The following LAT2 variants were observed in gnomAD, a reference collection of about 807,000 sequenced individuals.
LAT2 encodes the protein linker for activation of T-cells family member 2.
A neutral mutation model predicts 43.4 loss-of-function variants in LAT2; 23 were observed. That is an observed-to-expected ratio of 0.53 (90% confidence interval 0.38 to 0.75). The LOEUF (loss-of-function observed/expected upper bound fraction) is 0.75, where lower values mean the gene tolerates loss of function less well. Among genes scored for constraint, LAT2 ranks in the 30% least tolerant of loss-of-function variants. The pLI, the probability that LAT2 is intolerant of heterozygous loss-of-function variation, is 0.00. For missense variants in LAT2, 284 were observed against 310.2 expected, an observed-to-expected ratio of 0.92 and a Z score of 0.64; for synonymous variants, 128 against 123.2, an observed-to-expected ratio of 1.04 and a Z score of -0.26.
At position 74,224,633 on chromosome 7, in the gene LAT2, C is replaced by G; in HGVS notation, c.629-6C>G. 1 of 1,591,254 alleles carries G rather than the reference C, an allele frequency of 6.3e-7. No individual in the cohort carries two copies. Among genetic ancestry groups the G allele is most frequent in the Non-Finnish European group, 8.6e-7 (1 of 1,168,738 alleles). On this transcript the variant is annotated splice_region_variant and splice_polypyrimidine_tract_variant and intron_variant, in intron 12 of 13. Coordinates refer to ENST00000460943, the MANE Select transcript of LAT2 (RefSeq NM_032464.3). ...CTCGATGACCTGTCTGCCCGCTGGT[C>G]CACAGGGCAACTCCAGAGAGAAGCA...
At position 74,229,195 on chromosome 7, in the gene LAT2, C is replaced by T. The variant is rs1293097433; in HGVS notation, c.*270C>T. On this transcript the variant is annotated 3_prime_UTR_variant, in exon 14 of 14. Coordinates refer to ENST00000460943, the MANE Select transcript of LAT2 (RefSeq NM_032464.3). ...GCAGGCACCTGGTACCAAGGGTAAC[C>T]CGGCTCCTGGTATGGACGGATGCGC... 4 of 152,246 alleles carry T rather than the reference C, an allele frequency of 2.6e-5. No homozygotes were observed. 9.4% of individuals were successfully genotyped at this position (152,246 alleles called of 1,614,324 possible). A position where few individuals can be genotyped will look rare whatever the true frequency, so the allele number is the denominator to read the frequency against.
chr7:74,220,523 C>T lies in LAT2; in HGVS notation c.266-61C>T, dbSNP rs1802226120. 4 of 1,607,384 alleles carry T rather than the reference C, an allele frequency of 2.5e-6. No individual in the cohort carries two copies. The highest frequency in any genetic ancestry group is 2.2e-5 in the East Asian group (1 of 44,798). On this transcript the variant is annotated intron_variant, in intron 7 of 13. Coordinates refer to ENST00000460943, the MANE Select transcript of LAT2 (RefSeq NM_032464.3). The surrounding 1 kb of genome is among the most constrained non-coding windows in gnomAD (Gnocchi z 4.5). ...GCTGGCCCTGCCTTGGGCTGCAGCA[C>T]CCGAGCTGGGTGCAAAGCAGGGGCC...
rs1802225138 is a variant in LAT2 at position 74,220,497 on chromosome 7, A to G, written c.266-87A>G. On this transcript the variant is annotated intron_variant, in intron 7 of 13. Coordinates refer to ENST00000460943, the MANE Select transcript of LAT2 (RefSeq NM_032464.3). The surrounding 1 kb of genome is among the most constrained non-coding windows in gnomAD (Gnocchi z 4.5). ...CTGCAAAGGCTCAGACACGGGAAAT[A>G]GCTGGCCCTGCCTTGGGCTGCAGCA... The G allele has an allele frequency of 1.9e-6, 3 of 1,543,708 alleles. No homozygotes were observed. The highest frequency in any genetic ancestry group is 2.3e-5 in the East Asian group (1 of 44,232).
chr7:74,228,574 A>G (rs1204757626), intron 13 of LAT2, among the ~76,000 whole-genome samples: 1 of 150,496 alleles, frequency 6.6e-6, no homozygotes, highest in Non-Finnish European at 1.5e-5. Context: ...TCACGAGGTC[A>G]GGAGATCGAG....
At chr7:74,219,652 C>T in intron 4 of LAT2, 92 bp from the exon 5 acceptor site, 1 of 1,500,772 alleles carries the variant, frequency 6.7e-7, no homozygotes, top group Non-Finnish European at 9.3e-7. Flanking sequence ...TCTGCTTTCC[C>T]TCCTCATCCC....
chr7:74,220,470 C>A lies in LAT2; in HGVS notation c.266-114C>A. ...CATGCCCCACTGAGGGGACAGGGAG[C>A]ACTGCAAAGGCTCAGACACGGGAAA... On this transcript the variant is annotated intron_variant, in intron 7 of 13. Coordinates refer to ENST00000460943, the MANE Select transcript of LAT2 (RefSeq NM_032464.3). This position sits in a 1 kb window ranked among gnomAD's most constrained non-coding sequence, Gnocchi z 4.5. 2.2e-6 allele frequency: 3 copies of A among 1,390,880 alleles called. No homozygotes were observed. Among genetic ancestry groups the A allele is most frequent in the Non-Finnish European group, 3.0e-6 (3 of 990,084 alleles). 86.2% of individuals were successfully genotyped at this position (1,390,880 alleles called of 1,614,324 possible). A position where few individuals can be genotyped will look rare whatever the true frequency, so the allele number is the denominator to read the frequency against.
chr7:74,221,610 C>T, intron 9 of LAT2, 27 bp from the exon 10 acceptor site: 1 of 1,607,656 alleles, frequency 6.2e-7, no homozygotes, highest in Non-Finnish European at 8.5e-7. Context: ...GCCCTGAAAC[C>T]TGTGTTGTAT....
intron 13 of LAT2, among the ~76,000 whole-genome samples, chr7:74,226,745 G>A (rs976696933): frequency 3.3e-5 from 5 of 152,152 alleles, no homozygotes; most frequent in Non-Finnish European, 7.3e-5. Flanking sequence ...GGGAAGCGGG[G>A]CAGGAAGTAG....
intron 13 of LAT2, among the ~76,000 whole-genome samples, chr7:74,226,671 A>G (rs1323558554): frequency 1.3e-5 from 2 of 152,152 alleles, no homozygotes; most frequent in Non-Finnish European, 2.9e-5. Flanking sequence ...AACAACAACA[A>G]GAAAACAGAT....
chr7:74,221,665 TG>T lies in LAT2; in HGVS notation c.366del (p.Arg123GlyfsTer34). The T allele has an allele frequency of 1.2e-6, 2 of 1,613,256 alleles. No homozygotes were observed. Among genetic ancestry groups the T allele is most frequent in the Non-Finnish European group, 1.7e-6 (2 of 1,179,610 alleles). Reference sequence around the variant, plus strand: ...CCCCATTGCCATGGAGTATTACAACTGGGGGCGGTTCTCGAAGCCCCCAGAA... The same window carrying T: ...CCCCATTGCCATGGAGTATTACAACTGGGGCGGTTCTCGAAGCCCCCAGAA... Reference protein sequence around the residue: ...IDPIAMEYYNWGRFSKPPEDD... With the variant: ...IDPIAMEYYNXGRFSKPPEDD... On this transcript the variant is annotated frameshift_variant, in exon 10 of 14. Transcript: ENST00000460943. LOFTEE classifies it high-confidence loss of function.
At chr7:74,214,089 A>T (rs868929823) in intron 1 of LAT2, among the ~76,000 whole-genome samples, 2 of 121,638 alleles carry the variant, frequency 1.6e-5, no homozygotes, top group Non-Finnish European at 3.2e-5. Flanking sequence ...TATATATGAA[A>T]AAATATATAT....
At chr7:74,216,236 C>A (rs566472762) in intron 3 of LAT2, among the ~76,000 whole-genome samples, 167 bp downstream of exon 3, 4 of 152,010 alleles carry the variant, frequency 2.6e-5, no homozygotes, top group Admixed American at 6.6e-5. Context: ...CAGGTGCACC[C>A]GAGGGCTTTG....
intron 3 of LAT2, 60 bp from the exon 4 acceptor site, chr7:74,216,765 G>GT: frequency 6.8e-7 from 1 of 1,480,688 alleles, no homozygotes; most frequent in Non-Finnish European, 9.4e-7. Context: ...GGCGGGGGGT[G>GT]TCTGACCTCA....
At chr7:74,216,762 G>C in intron 3 of LAT2, 63 bp from the exon 4 acceptor site, 1 of 1,413,568 alleles carries the variant, frequency 7.1e-7, no homozygotes, top group South Asian at 1.2e-5. Context: ...CATGGCGGGG[G>C]GTGTCTGACC....
intron 4 of LAT2, among the ~76,000 whole-genome samples, chr7:74,218,935 T>C (rs1166664755): frequency 6.8e-6 from 1 of 146,986 alleles, no homozygotes; most frequent in Admixed American, 7.0e-5. Context: ...CAACCTCAGG[T>C]GATTCGCCTG....
chr7:74,215,631 C>G (rs1289646451), intron 2 of LAT2, among the ~76,000 whole-genome samples: 1 of 152,164 alleles, frequency 6.6e-6, no homozygotes, highest in Admixed American at 6.5e-5. Context: ...CAGTGAACCT[C>G]GTCCTCAAAG....
intron 11 of LAT2, 89 bp downstream of exon 11, chr7:74,223,872 C>A: frequency 6.7e-7 from 1 of 1,490,860 alleles, no homozygotes; most frequent in Non-Finnish European, 9.3e-7. Context: ...GCTCAAAGGC[C>A]GCCCCCACTT....
At chr7:74,211,619 G>A (rs1554713181) in intron 1 of LAT2, among the ~76,000 whole-genome samples, 2 of 151,836 alleles carry the variant, frequency 1.3e-5, no homozygotes, top group Admixed American at 1.3e-4. Context: ...CACCACGACC[G>A]GCTAATTTTT....
intron 10 of LAT2, among the ~76,000 whole-genome samples, chr7:74,222,261 C>T (rs1554715424): frequency 2.0e-5 from 3 of 149,316 alleles, no homozygotes; most frequent in South Asian, 4.3e-4. Context: ...ATTAGCCAGG[C>T]ATGGTGGCAC....
Sources: allele counts gnomAD v4.1 joint callset (sites outside exome capture counted in the v4.1 genomes callset), GRCh38; gene constraint gnomAD v4.1.1; non-coding constraint Gnocchi (gnomAD v3.1); transcripts MANE v1.5; gene names NCBI Gene and HGNC (gene_info 2026-07-23, HGNC 2026-07-21).